Variants in ADCY5 observed in about 807,000 individuals in gnomAD.
ADCY5 encodes the protein adenylate cyclase 5.
In ADCY5, 30 loss-of-function variants were observed where a neutral mutation model predicts 119.7. The observed-to-expected ratio is 0.25, with a 90% CI of 0.19 to 0.34. The LOEUF is 0.34. ADCY5 is among the 10% of genes least tolerant of loss of function. ADCY5 has a pLI of 1.00. For synonymous variants in ADCY5, 753 were observed against 762.2 expected (o/e 0.99, Z 0.20); for missense variants, 1,324 against 1,775.2 (o/e 0.75, Z 4.57).
intron 5 of ADCY5, 134 bp downstream of exon 5, chr3:123,330,755 G>A (rs1653499411): frequency 8.2e-7 from 1 of 1,226,976 alleles, no homozygotes; most frequent in Non-Finnish European, 1.1e-6. Context: ...CCTCAGCTTG[G>A]CTGGGCACCT....
At chr3:123,329,045 C>G (rs1229436339) in intron 5 of ADCY5, among the ~76,000 whole-genome samples, 2 of 152,226 alleles carry the variant, frequency 1.3e-5, no homozygotes, top group East Asian at 3.9e-4. Context: ...ACACTAAAAC[C>G]TAGAGCCCTG....
intron 1 of ADCY5, among the ~76,000 whole-genome samples, chr3:123,384,216 A>G (rs182532053): frequency 3.4e-3 from 518 of 152,354 alleles, no homozygotes; most frequent in African/African-American, 0.012. Context: ...AGATTTAAAA[A>G]TAAACAGCCT....
At chr3:123,304,464 C>T (rs2108272169) in intron 12 of ADCY5, among the ~76,000 whole-genome samples, 1 of 152,272 alleles carries the variant, frequency 6.6e-6, no homozygotes, top group South Asian at 2.1e-4. Context: ...AAGATGGTAT[C>T]TTGACCCAAC....
chr3:123,291,055 A>G, intron 18 of ADCY5, 58 bp downstream of exon 18: 1 of 1,556,968 alleles, frequency 6.4e-7, no homozygotes, highest in Non-Finnish European at 8.7e-7. Flanking sequence ...TCCCTCCCAT[A>G]CCAGGGACTT....
intron 12 of ADCY5, 42 bp downstream of exon 12, chr3:123,314,193 C>A: frequency 6.6e-7 from 1 of 1,523,514 alleles, no homozygotes; most frequent in Non-Finnish European, 9.1e-7. Flanking sequence ...CTGAGAGAAG[C>A]GGGAAGAAGG....
intron 17 of ADCY5, among the ~76,000 whole-genome samples, chr3:123,294,600 C>T (rs1939374016): frequency 6.6e-6 from 1 of 152,134 alleles, no homozygotes; most frequent in South Asian, 2.1e-4. Context: ...CCCAGAGTAA[C>T]AAGTTCTTTA....
chr3:123,312,055 G>A (rs1389718090), intron 12 of ADCY5, among the ~76,000 whole-genome samples: 2 of 152,200 alleles, frequency 1.3e-5, no homozygotes, highest in South Asian at 2.1e-4. Flanking sequence ...GGCCAGTGAA[G>A]GTGGCTGCAG....
At chr3:123,382,576 C>CAA (rs1944066748) in intron 1 of ADCY5, among the ~76,000 whole-genome samples, 1 of 152,176 alleles carries the variant, frequency 6.6e-6, no homozygotes. Flanking sequence ...CACAATGGAA[C>CAA]ATTATTCAAC....
At chr3:123,299,730 T>G (rs1939721980) in intron 15 of ADCY5, among the ~76,000 whole-genome samples, 1 of 152,230 alleles carries the variant, frequency 6.6e-6, no homozygotes, top group South Asian at 2.1e-4. Context: ...TCCAGGCACC[T>G]GCCTCGAGGT....
At chr3:123,419,152 G>A (rs1165214138) in intron 1 of ADCY5, 2 of 985,218 alleles carry the variant, frequency 2.0e-6, no homozygotes, top group South Asian at 4.7e-5. Context: ...TGCAGCCGGT[G>A]CCCGAGAGAG....
intron 19 of ADCY5, among the ~76,000 whole-genome samples, chr3:123,288,327 AT>A (rs1438977590): frequency 6.6e-6 from 1 of 152,242 alleles, no homozygotes; most frequent in African/African-American, 2.4e-5. Context: ...GTGGATGATA[AT>A]TGTAATTTTT....
At chr3:123,336,671 C>T (rs1226246841) in intron 3 of ADCY5, among the ~76,000 whole-genome samples, 3 of 152,172 alleles carry the variant, frequency 2.0e-5, no homozygotes, top group Non-Finnish European at 4.4e-5. Context: ...CACATGTGGT[C>T]CCAGGGGCTC....
At chr3:123,296,239 C>A (rs764674688) in intron 16 of ADCY5, 23 bp from the exon 17 acceptor site, 3 of 1,610,004 alleles carry the variant, frequency 1.9e-6, no homozygotes, top group African/African-American at 2.7e-5. Flanking sequence ...GGTGGACAGG[C>A]CTGAGACGGC....
chr3:123,347,156 A>C (rs1165666252), intron 3 of ADCY5, among the ~76,000 whole-genome samples: 1 of 151,332 alleles, frequency 6.6e-6, no homozygotes, highest in Non-Finnish European at 1.5e-5. Flanking sequence ...AAGAGTACAC[A>C]ATGTAGACTG....
intron 1 of ADCY5, among the ~76,000 whole-genome samples, chr3:123,359,331 A>AAAATATATATATAT (rs1553736034): frequency 1.5e-4 from 16 of 109,762 alleles, no homozygotes; most frequent in African/African-American, 5.2e-4. Context: ...CTTATACTAA[A>AAAATATATATATAT]ATATATATAT....
At chr3:123,303,734 A>G (rs1174679653) in intron 13 of ADCY5, among the ~76,000 whole-genome samples, 1 of 152,168 alleles carries the variant, frequency 6.6e-6, no homozygotes, top group Non-Finnish European at 1.5e-5. Context: ...CTGAGGCAGG[A>G]GGACCTCTTG....
chr3:123,368,259 C>T (rs1943519597), intron 1 of ADCY5, among the ~76,000 whole-genome samples: 1 of 152,160 alleles, frequency 6.6e-6, no homozygotes, highest in South Asian at 2.1e-4. Context: ...CTAACAATGC[C>T]ATTAGAGATC....
At chr3:123,323,060 T>A (rs1258893585) in intron 8 of ADCY5, among the ~76,000 whole-genome samples, 1 of 152,162 alleles carries the variant, frequency 6.6e-6, no homozygotes, top group Non-Finnish European at 1.5e-5. Flanking sequence ...CCTGTCTTCA[T>A]CCCCAGCCTA....
intron 1 of ADCY5, among the ~76,000 whole-genome samples, chr3:123,443,121 C>A (rs924006854): frequency 6.6e-6 from 1 of 152,244 alleles, no homozygotes; most frequent in African/African-American, 2.4e-5. Context: ...ATCCACCAGA[C>A]AGGCCTCTGG....
Sources: allele counts gnomAD v4.1 joint callset (sites outside exome capture counted in the v4.1 genomes callset), GRCh38; gene constraint gnomAD v4.1.1; transcripts MANE v1.5; gene names NCBI Gene and HGNC (gene_info 2026-07-23, HGNC 2026-07-21).